Variants in STXBP3 observed in about 807,000 individuals in gnomAD.
STXBP3 encodes syntaxin-binding protein 3.
STXBP3 carries 41 observed loss-of-function variants against 85.7 expected under a neutral mutation model. The observed-to-expected ratio is 0.48, with a 90% CI of 0.37 to 0.62. The LOEUF is 0.62. Ranked by LOEUF, STXBP3 falls within the 20% of genes least tolerant of loss-of-function variation. The pLI, the probability that STXBP3 is intolerant of heterozygous loss-of-function variation, is 0.00. For missense variants in STXBP3, 563 were observed against 703.1 expected, an observed-to-expected ratio of 0.80 and a Z score of 2.25; for synonymous variants, 229 against 231.7, an observed-to-expected ratio of 0.99 and a Z score of 0.10.
chr1:108,787,131 T>C (rs1302982150), intron 11 of STXBP3, among the ~76,000 whole-genome samples: 1 of 152,150 alleles, frequency 6.6e-6, no homozygotes, highest in African/African-American at 2.4e-5. Context: ...TTAATTCTAG[T>C]ACTTTGTTTA....
At chr1:108,764,343 T>C (rs1662211734) in intron 6 of STXBP3, among the ~76,000 whole-genome samples, 2 of 152,306 alleles carry the variant, frequency 1.3e-5, no homozygotes, top group African/African-American at 4.8e-5. Flanking sequence ...CTATTGTGAA[T>C]AGTGCTGCAG....
chr1:108,761,196 A>G (rs753209763), intron 6 of STXBP3, among the ~76,000 whole-genome samples: 18 of 152,122 alleles, frequency 1.2e-4, no homozygotes, highest in Non-Finnish European at 2.4e-4. Flanking sequence ...GTGAGCCACC[A>G]CGCCCAGCTG....
At chr1:108,787,610 A>G (rs1662886721) in intron 11 of STXBP3, among the ~76,000 whole-genome samples, 1 of 152,108 alleles carries the variant, frequency 6.6e-6, no homozygotes, top group South Asian at 2.1e-4. Flanking sequence ...ATAACATGAA[A>G]TCAAACTGGT....
intron 11 of STXBP3, 30 bp from the exon 12 acceptor site, chr1:108,793,552 T>C: frequency 1.3e-6 from 2 of 1,579,368 alleles, no homozygotes; most frequent in Non-Finnish European, 1.7e-6. Flanking sequence ...AATCATAGGC[T>C]TGCCTAAAAA....
chr1:108,793,987 A>C (rs933187753), intron 12 of STXBP3, among the ~76,000 whole-genome samples: 1 of 152,228 alleles, frequency 6.6e-6, no homozygotes, highest in Admixed American at 6.5e-5. Flanking sequence ...GTTACTTACT[A>C]GTAGATTTAA....
intron 2 of STXBP3, 71 bp downstream of exon 2, chr1:108,752,377 A>G: frequency 9.3e-6 from 13 of 1,392,576 alleles, no homozygotes; most frequent in South Asian, 1.2e-5. Context: ...TAAAAACTAC[A>G]TAGTATTTAC....
chr1:108,750,603 C>T (rs1247639501), intron 1 of STXBP3, among the ~76,000 whole-genome samples: 2 of 152,074 alleles, frequency 1.3e-5, no homozygotes, highest in African/African-American at 2.4e-5. Context: ...CTCTGGACAC[C>T]AGCTGTATTA....
At position 108,794,833 on chromosome 1, in the gene STXBP3, G is replaced by A. The variant is rs754867033; in HGVS notation, c.1036G>A (p.Val346Ile). 7 of 1,609,512 alleles carry A rather than the reference G, an allele frequency of 4.3e-6. No homozygotes were observed. In the East Asian group the frequency reaches 1.6e-4, roughly 36 times the overall value. The change falls in exon 13 of 19, where the codon GTC (valine) becomes ATC (isoleucine). Residue 346 changes from valine to isoleucine, a missense_variant. Physicochemically the swap from Val to Ile is conservative, Grantham distance 29. Coordinates refer to ENST00000370008, the MANE Select transcript of STXBP3 (RefSeq NM_007269.4). The part of the protein sequence containing the change: ...HFRKQITKQV[V>I]HLNLAEDCMN... ...GATTTCTTCTGTTTTTCAGCAAGTT[G>A]TCCATCTTAACTTAGCAGAAGATTG...
chr1:108,756,296 G>T (rs759467796), intron 3 of STXBP3, among the ~76,000 whole-genome samples: 61 of 152,038 alleles, frequency 4.0e-4, no homozygotes, highest in Admixed American at 6.6e-4. Flanking sequence ...GTCACATCTG[G>T]GTTAGAAGCC....
intron 1 of STXBP3, 22 bp from the exon 2 acceptor site, chr1:108,752,235 A>G (rs367951242): frequency 2.5e-6 from 4 of 1,598,540 alleles, no homozygotes; most frequent in African/African-American, 1.3e-5. Flanking sequence ...ATTCCTAAGT[A>G]ATTCCTTTCT....
intron 1 of STXBP3, among the ~76,000 whole-genome samples, chr1:108,747,847 A>C (rs950787541): frequency 6.6e-6 from 1 of 152,222 alleles, no homozygotes; most frequent in Non-Finnish European, 1.5e-5. Flanking sequence ...GATAATTTTA[A>C]GGTTGGCATT....
In STXBP3 at chr1:108,772,228, C is replaced by T. The variant is rs1244834954; in HGVS notation, c.439-437C>T. On this transcript the variant is annotated intron_variant, in intron 6 of 18. Transcript: ENST00000370008. ...TATCTATCTGTATCATATATAAATA[C>T]ATGATATCTATCTGTATCATATATA... is the stretch of plus-strand genomic sequence containing the variant. Among the ~76,000 whole-genome samples, 3 of 34,114 alleles carry T rather than the reference C, an allele frequency of 8.8e-5. 1 individual carries two copies. Among genetic ancestry groups the T allele is most frequent in the Admixed American group, 4.2e-4 (2 of 4,778 alleles). 22.4% of individuals were successfully genotyped at this position (34,114 alleles called of 152,430 possible). A position where few individuals can be genotyped will look rare whatever the true frequency, so the allele number is the denominator to read the frequency against.
chr1:108,804,640 T>C (rs1242295813), intron 17 of STXBP3, among the ~76,000 whole-genome samples: 1 of 152,236 alleles, frequency 6.6e-6, no homozygotes, highest in Non-Finnish European at 1.5e-5. Context: ...CATGTGCTTT[T>C]GCCAGATTAG....
chr1:108,792,718 G>C (rs906047145), intron 11 of STXBP3, among the ~76,000 whole-genome samples: 3 of 152,136 alleles, frequency 2.0e-5, no homozygotes, highest in Non-Finnish European at 2.9e-5. Flanking sequence ...CATTGCAGAG[G>C]TTCTAGATGA....
At chr1:108,806,601 G>A (rs1057069543) in intron 17 of STXBP3, among the ~76,000 whole-genome samples, 2 of 152,038 alleles carry the variant, frequency 1.3e-5, no homozygotes, top group East Asian at 3.8e-4. Context: ...AATAAAAATC[G>A]AAACACAGGT....
chr1:108,764,335 A>G (rs903701438), intron 6 of STXBP3, among the ~76,000 whole-genome samples: 2 of 151,992 alleles, frequency 1.3e-5, no homozygotes, highest in South Asian at 2.1e-4. Context: ...TGTCTTTGCT[A>G]TTGTGAATAG....
chr1:108,751,012 G>T (rs1287765404), intron 1 of STXBP3, among the ~76,000 whole-genome samples: 2 of 152,182 alleles, frequency 1.3e-5, no homozygotes, highest in African/African-American at 2.4e-5. Flanking sequence ...CTGGCACATG[G>T]TTTGTTCACC....
intron 6 of STXBP3, among the ~76,000 whole-genome samples, chr1:108,768,761 A>C (rs962468578): frequency 1.3e-5 from 2 of 152,232 alleles, no homozygotes; most frequent in African/African-American, 4.8e-5. Context: ...AAAGTCAGAT[A>C]TGATAGTGCT....
At chr1:108,762,932 A>G (rs1361096521) in intron 6 of STXBP3, among the ~76,000 whole-genome samples, 1 of 152,248 alleles carries the variant, frequency 6.6e-6, no homozygotes, top group Non-Finnish European at 1.5e-5. Context: ...AGTCAAGGCC[A>G]TATGGGTACT....
Sources: gnomAD v4.1 joint callset for allele counts (sites outside exome capture counted in the v4.1 genomes callset) on GRCh38, gnomAD v4.1.1 for gene constraint, MANE v1.5 for transcripts, NCBI Gene and HGNC (gene_info 2026-07-23, HGNC 2026-07-21) for gene names.